Variants in CTBP2 observed in about 807,000 individuals in gnomAD.
CTBP2 encodes C-terminal-binding protein 2.
CTBP2 carries 30 observed loss-of-function variants against 80.3 expected under a neutral mutation model. The ratio of observed to expected loss-of-function variants is 0.37; its 90% CI spans 0.28 to 0.51. The LOEUF is 0.51. CTBP2 is among the 20% of genes least tolerant of loss of function. CTBP2 has a pLI of 0.93. For synonymous variants in CTBP2, 594 were observed against 587.4 expected, an observed-to-expected ratio of 1.01 and a Z score of -0.16; for missense variants, 1,212 against 1,375.3, an observed-to-expected ratio of 0.88 and a Z score of 1.88.
At chr10:125,073,818 G>A (rs545330883) in intron 2 of CTBP2, among the ~76,000 whole-genome samples, 11 of 152,288 alleles carry the variant, frequency 7.2e-5, no homozygotes, top group South Asian at 4.1e-4. Context: ...GAAAGGGTCC[G>A]GACATGGCGA....
At chr10:125,029,781 A>G (rs2938004), upstream of CTBP2, among the ~76,000 whole-genome samples, 66,687 of 152,068 alleles carry the variant, frequency 0.44, 15,168 homozygotes, top group East Asian at 0.63. Flanking sequence ...CTTCTTTGCT[A>G]TCTGGTTTTC....
At chr10:125,119,672 T>C (rs953864647) in intron 1 of CTBP2, among the ~76,000 whole-genome samples, 9 of 152,250 alleles carry the variant, frequency 5.9e-5, no homozygotes, top group Non-Finnish European at 8.8e-5. Flanking sequence ...AGAGACAGAA[T>C]AGATCCAAAG....
At chr10:125,154,543 T>C (rs1860577092) in intron 1 of CTBP2, among the ~76,000 whole-genome samples, 1 of 152,252 alleles carries the variant, frequency 6.6e-6, no homozygotes, top group African/African-American at 2.4e-5. Context: ...ATCTGTTAAA[T>C]TTAGTTAGGT....
intron 3 of CTBP2, among the ~76,000 whole-genome samples, chr10:125,002,458 G>A (rs1442534491): frequency 6.6e-6 from 1 of 152,214 alleles, no homozygotes; most frequent in Non-Finnish European, 1.5e-5. Flanking sequence ...TTGGGCAGGG[G>A]CCCACCTGCT....
At chr10:125,021,910 G>A (rs1364115995) in intron 1 of CTBP2, among the ~76,000 whole-genome samples, 1 of 152,264 alleles carries the variant, frequency 6.6e-6, no homozygotes, top group Non-Finnish European at 1.5e-5. Context: ...GGATTTGGAA[G>A]GGAGGCCATG....
At chr10:125,128,888 A>C (rs1189462978) in intron 1 of CTBP2, among the ~76,000 whole-genome samples, 1 of 152,238 alleles carries the variant, frequency 6.6e-6, no homozygotes, top group Non-Finnish European at 1.5e-5. Flanking sequence ...GAAAAGCTGG[A>C]AACAGCCCAA....
At chr10:125,016,426 A>G (rs1956493403) in intron 1 of CTBP2, among the ~76,000 whole-genome samples, 1 of 152,228 alleles carries the variant, frequency 6.6e-6, no homozygotes, top group African/African-American at 2.4e-5. Context: ...TTCCAGAGAA[A>G]TGAACAACAC....
Position 124,984,483 on chromosome 10 carries a change from C to A in CTBP2, c.*5035G>T, listed in dbSNP as rs1177679824. 1 of 331,510 alleles carries A rather than the reference C, an allele frequency of 3.0e-6. No individual in the cohort carries two copies. The highest frequency in any genetic ancestry group is 8.6e-4 in the Middle Eastern group (1 of 1,162). The allele number at this position is 331,510 out of a possible 1,614,324, so 20.5% of individuals were successfully genotyped here. On this transcript the variant is annotated 3_prime_UTR_variant, in exon 9 of 9. Coordinates refer to ENST00000309035, the MANE Select transcript of CTBP2 (RefSeq NM_022802.3). The stretch of plus-strand genomic sequence containing the variant: ...TCATGTGTTTGAAGCTGTGGCTTGC[C>A]AGGATCAGTTTATTAGGACATTTGT...
rs543688372 is a variant in CTBP2 at position 124,987,166 on chromosome 10, T to C, written c.*2352A>G. The C allele has an allele frequency of 2.6e-5, 4 of 151,896 alleles. No individual in the cohort carries two copies. In the South Asian group the frequency reaches 8.4e-4, roughly 32 times the overall value. 9.4% of individuals were successfully genotyped at this position (151,896 alleles called of 1,614,324 possible). A position where few individuals can be genotyped will look rare whatever the true frequency, so the allele number is the denominator to read the frequency against. On this transcript the variant is annotated 3_prime_UTR_variant, in exon 9 of 9. Coordinates refer to ENST00000309035, the MANE Select transcript of CTBP2 (RefSeq NM_022802.3). The stretch of plus-strand genomic sequence containing the variant: ...ATGCTATATTATGCTCTTGAACTAT[T>C]AAAACAGCCATAATTATTGTCCCAA...
chr10:125,052,106 G>A (rs974530833), intron 2 of CTBP2, among the ~76,000 whole-genome samples: 1 of 152,196 alleles, frequency 6.6e-6, no homozygotes, highest in Non-Finnish European at 1.5e-5. Flanking sequence ...CAGACGGGAG[G>A]CTCGCACCTA....
chr10:125,094,700 C>T (rs1849289675), intron 2 of CTBP2, among the ~76,000 whole-genome samples: 1 of 152,124 alleles, frequency 6.6e-6, no homozygotes, highest in Admixed American at 6.5e-5. Flanking sequence ...TGCTGTTGAA[C>T]ATTGTATGAT....
At chr10:125,061,162 C>G (rs1009509117) in intron 2 of CTBP2, among the ~76,000 whole-genome samples, 1 of 152,234 alleles carries the variant, frequency 6.6e-6, no homozygotes, top group African/African-American at 2.4e-5. Context: ...AACTAAGGCC[C>G]TGGCATTGTC....
At chr10:125,000,109 A>T (rs1026850996) in intron 3 of CTBP2, 2 of 152,344 alleles carry the variant, frequency 1.3e-5, no homozygotes, top group Non-Finnish European at 2.9e-5. Context: ...GAACTTGGAC[A>T]TTCAGCTCCG....
chr10:125,125,263 C>A (rs1377019024), intron 1 of CTBP2, among the ~76,000 whole-genome samples: 1 of 152,204 alleles, frequency 6.6e-6, no homozygotes, highest in Non-Finnish European at 1.5e-5. Context: ...CAATGACCTA[C>A]ATATTCAATT....
Position 125,144,208 on chromosome 10 carries a change from A to C in CTBP2, c.-206+16111T>G, listed in dbSNP as rs1456698905. ...AAAGGCTCCAGACTCTTGAAACTGGATTCTCCTGCTTCCCTTCTGGCCTTC... is the reference window on the plus strand; with the variant it reads ...AAAGGCTCCAGACTCTTGAAACTGGCTTCTCCTGCTTCCCTTCTGGCCTTC... On this transcript the variant is annotated intron_variant, in intron 1 of 10. Coordinates refer to the CTBP2 transcript ENST00000337195. Among the ~76,000 whole-genome samples the C allele has an allele frequency of 7.2e-5, 11 of 152,138 alleles. No individual in the cohort carries two copies. The East Asian group carries it at 2.1e-3, about 29-fold the overall frequency.
At chr10:125,090,489 G>A (rs1287227141) in intron 2 of CTBP2, among the ~76,000 whole-genome samples, 5 of 150,256 alleles carry the variant, frequency 3.3e-5, no homozygotes, top group Non-Finnish European at 5.9e-5. Context: ...GAGGGCCAGC[G>A]TGGTGGCTCA....
intron 2 of CTBP2, among the ~76,000 whole-genome samples, chr10:125,057,678 T>C (rs1590392634): frequency 1.3e-5 from 2 of 152,286 alleles, no homozygotes; most frequent in East Asian, 3.9e-4. Context: ...AACAAGAAGT[T>C]TCTCTGGAAA....
intron 1 of CTBP2, among the ~76,000 whole-genome samples, chr10:125,136,826 C>T (rs992460357): frequency 6.6e-6 from 1 of 152,208 alleles, no homozygotes; most frequent in Non-Finnish European, 1.5e-5. Context: ...AGCACAGGGA[C>T]ATCTAGGGGC....
chr10:125,005,645 G>C, intron 1 of CTBP2: 1 of 1,612,902 alleles, frequency 6.2e-7, no homozygotes, highest in Non-Finnish European at 8.5e-7. Flanking sequence ...GTCACCTGAC[G>C]AGGAACCCGA....
Sources: gnomAD v4.1 joint callset for allele counts (sites outside exome capture counted in the v4.1 genomes callset) on GRCh38, gnomAD v4.1.1 for gene constraint, MANE v1.5 for transcripts, NCBI Gene and HGNC (gene_info 2026-07-23, HGNC 2026-07-21) for gene names.